Variants in RBMS3 observed in about 807,000 individuals in gnomAD.
RBMS3 encodes RNA binding motif single stranded interacting protein 3.
In RBMS3, 27 loss-of-function variants were observed where a neutral mutation model predicts 66.8. The ratio of observed to expected loss-of-function variants is 0.40; its 90% confidence interval spans 0.30 to 0.56. The LOEUF is 0.56. RBMS3 is among the 20% of genes least tolerant of loss of function. The probability of loss-of-function intolerance (pLI) is 0.40; values close to 1 mark genes in which losing one functional copy is unlikely to be tolerated. For missense variants in RBMS3, 513 were observed against 549.5 expected, an observed-to-expected ratio of 0.93 and a Z score of 0.66; for synonymous variants, 188 against 183.0, an observed-to-expected ratio of 1.03 and a Z score of -0.22.
At chr3:29,336,005 G>T (rs1194140481) in intron 1 of RBMS3, among the ~76,000 whole-genome samples, 1 of 152,026 alleles carries the variant, frequency 6.6e-6, no homozygotes, top group Non-Finnish European at 1.5e-5. Flanking sequence ...TTTTTCAACT[G>T]ATCAGCCTTT....
intron 6 of RBMS3, among the ~76,000 whole-genome samples, chr3:29,858,473 G>A (rs956666000): frequency 1.3e-5 from 2 of 152,186 alleles, no homozygotes; most frequent in African/African-American, 4.8e-5. Context: ...CTTCATCTTA[G>A]TAACTTTTTC....
At chr3:29,840,627 G>A (rs2058638165) in intron 6 of RBMS3, among the ~76,000 whole-genome samples, 1 of 151,956 alleles carries the variant, frequency 6.6e-6, no homozygotes, top group South Asian at 2.1e-4. Context: ...CACTCGAAAT[G>A]GTCTCAGAGA....
intron 1 of RBMS3, among the ~76,000 whole-genome samples, chr3:29,300,805 T>C (rs1323130734): frequency 6.6e-6 from 1 of 152,094 alleles, no homozygotes; most frequent in South Asian, 2.1e-4. Flanking sequence ...TTTGATGCAA[T>C]TCGTAGAAGG....
intron 4 of RBMS3, among the ~76,000 whole-genome samples, chr3:29,631,780 C>A (rs1327542188): frequency 1.3e-5 from 2 of 151,760 alleles, no homozygotes; most frequent in African/African-American, 4.8e-5. Flanking sequence ...TGCAGAGTAC[C>A]TTTCACTTGC....
chr3:29,998,271 C>T (rs564919210), intron 14 of RBMS3, among the ~76,000 whole-genome samples: 28 of 152,122 alleles, frequency 1.8e-4, no homozygotes, highest in Non-Finnish European at 3.1e-4. Context: ...AAAGAGGATA[C>T]AAACAAATGG....
chr3:29,531,138 A>G (rs2045337708), intron 3 of RBMS3, among the ~76,000 whole-genome samples: 1 of 152,206 alleles, frequency 6.6e-6, no homozygotes, highest in African/African-American at 2.4e-5. Context: ...AGGAATGGAA[A>G]CTTCGTATTT....
At chr3:29,756,013 C>T (rs2055396988) in intron 5 of RBMS3, among the ~76,000 whole-genome samples, 1 of 152,146 alleles carries the variant, frequency 6.6e-6, no homozygotes, top group Admixed American at 6.5e-5. Flanking sequence ...ACAGCACCTA[C>T]TATTTTGCCT....
intron 8 of RBMS3, among the ~76,000 whole-genome samples, chr3:29,887,875 C>A (rs1335443518): frequency 4.6e-5 from 7 of 151,788 alleles, no homozygotes; most frequent in African/African-American, 9.7e-5. Flanking sequence ...CAAATACTCA[C>A]CCTTAATTGT....
intron 10 of RBMS3, among the ~76,000 whole-genome samples, chr3:29,911,566 C>T (rs1237248615): frequency 2.0e-5 from 3 of 152,030 alleles, no homozygotes; most frequent in Non-Finnish European, 4.4e-5. Flanking sequence ...ATTGATATTA[C>T]TTGGGTATCA....
intron 3 of RBMS3, among the ~76,000 whole-genome samples, chr3:29,538,884 A>C (rs898023611): frequency 1.3e-5 from 2 of 152,212 alleles, no homozygotes; most frequent in Non-Finnish European, 2.9e-5. Context: ...AAGAATGCTC[A>C]ATTACATAGT....
chr3:29,890,355 A>G (rs1047188356), intron 8 of RBMS3, among the ~76,000 whole-genome samples: 1 of 151,676 alleles, frequency 6.6e-6, no homozygotes, highest in African/African-American at 2.4e-5. Flanking sequence ...ATAATAAAGT[A>G]TATTATTCCT....
At chr3:29,401,024 CTTAA>C (rs2039787097) in intron 1 of RBMS3, among the ~76,000 whole-genome samples, 2 of 152,002 alleles carry the variant, frequency 1.3e-5, no homozygotes, top group African/African-American at 2.4e-5. Flanking sequence ...TTGCTGTGAA[CTTAA>C]TTAGTGAAGC....
chr3:29,487,105 G>A (rs945866478), intron 2 of RBMS3, among the ~76,000 whole-genome samples: 1 of 152,092 alleles, frequency 6.6e-6, no homozygotes, highest in Non-Finnish European at 1.5e-5. Context: ...TAGTTAATGG[G>A]TATGATTGTA....
Position 29,586,987 on chromosome 3 carries a change from A to G in RBMS3, c.308-127A>G, listed in dbSNP as rs950973094. ...TTAAGGACCACTAATCTAAGAGCCT[A>G]ATGTTCAACCAGGGTAATATGTCAG... On this transcript the variant is annotated intron_variant, in intron 3 of 14. Transcript: ENST00000383767. 23 of 622,632 alleles carry G rather than the reference A, an allele frequency of 3.7e-5. No homozygotes were observed. The Admixed American group carries it at 6.2e-4, about 17-fold the overall frequency. 38.6% of individuals were successfully genotyped at this position (622,632 alleles called of 1,614,324 possible). A position where few individuals can be genotyped will look rare whatever the true frequency, so the allele number is the denominator to read the frequency against.
At chr3:29,924,323 A>G (rs1473005213) in intron 10 of RBMS3, among the ~76,000 whole-genome samples, 2 of 152,158 alleles carry the variant, frequency 1.3e-5, no homozygotes, top group East Asian at 1.9e-4. Flanking sequence ...GAAGTCACAA[A>G]TCTATATCTA....
chr3:29,398,604 G>T (rs2039660682), intron 1 of RBMS3, among the ~76,000 whole-genome samples: 1 of 152,152 alleles, frequency 6.6e-6, no homozygotes, highest in Admixed American at 6.6e-5. Context: ...CTTCCCTTTG[G>T]CAGAGTTCCA....
intron 1 of RBMS3, among the ~76,000 whole-genome samples, chr3:29,394,568 T>C (rs1012694254): frequency 3.3e-5 from 5 of 152,194 alleles, no homozygotes; most frequent in African/African-American, 1.2e-4. Flanking sequence ...TATTCAGAGA[T>C]TGCAGTAAAG....
At chr3:29,330,154 C>G (rs916040637) in intron 1 of RBMS3, among the ~76,000 whole-genome samples, 4 of 152,066 alleles carry the variant, frequency 2.6e-5, no homozygotes, top group Non-Finnish European at 5.9e-5. Flanking sequence ...AGATCTAACA[C>G]TTGCAACTAT....
chr3:29,745,374 C>T lies in RBMS3; in HGVS notation c.557+5497C>T, dbSNP rs535964305. ...TATGGTGGGAATGCTGACAGTCAGCCCCACTACTGCAGAGCTAGTGAATGC... is the reference window on the plus strand; with the variant it reads ...TATGGTGGGAATGCTGACAGTCAGCTCCACTACTGCAGAGCTAGTGAATGC... On this transcript the variant is annotated intron_variant, in intron 5 of 14. Coordinates refer to ENST00000383767, the MANE Select transcript of RBMS3 (RefSeq NM_001003793.3). 2.0e-5 allele frequency among the ~76,000 whole-genome samples: 3 copies of T among 152,196 alleles called. No homozygotes were observed. In the East Asian group the frequency reaches 5.8e-4, roughly 29 times the overall value.
Sources: allele counts gnomAD v4.1 joint callset (sites outside exome capture counted in the v4.1 genomes callset), GRCh38; gene constraint gnomAD v4.1.1; transcripts MANE v1.5; gene names NCBI Gene and HGNC (gene_info 2026-07-23, HGNC 2026-07-21).